ANXA7: variants seen among roughly 807,000 people sequenced by gnomAD.
The protein encoded by ANXA7 is annexin VII.
A neutral mutation model predicts 64.9 loss-of-function variants in ANXA7; 55 were observed. The observed-to-expected ratio is 0.85, with a 90% confidence interval of 0.68 to 1.06. The LOEUF (loss-of-function observed/expected upper bound fraction) is 1.06, where lower values mean the gene tolerates loss of function less well. Among genes scored for constraint, ANXA7 ranks in the 50% least tolerant of loss-of-function variants. The pLI, the probability that ANXA7 is intolerant of heterozygous loss-of-function variation, is 0.00. For synonymous variants in ANXA7, 200 were observed against 192.4 expected (o/e 1.04, Z -0.33); for missense variants, 548 against 582.1 (o/e 0.94, Z 0.60).
At chr10:73,378,460 G>A (rs75448360) in intron 12 of ANXA7, among the ~76,000 whole-genome samples, 45 of 148,836 alleles carry the variant, frequency 3.0e-4, no homozygotes, top group African/African-American at 1.1e-3. Context: ...AATATATAAA[G>A]TACAATTTTT....
intron 5 of ANXA7, among the ~76,000 whole-genome samples, chr10:73,392,218 A>C (rs2055496062): frequency 1.3e-5 from 2 of 152,210 alleles, no homozygotes; most frequent in Admixed American, 6.5e-5. Flanking sequence ...AGAGCCTACC[A>C]ACCAAAAAAA....
chr10:73,411,710 G>A (rs1278701513), intron 1 of ANXA7, among the ~76,000 whole-genome samples: 1 of 152,154 alleles, frequency 6.6e-6, no homozygotes, highest in Admixed American at 6.5e-5. Flanking sequence ...GGGATTACAG[G>A]CGTGAGCCAC....
chr10:73,399,682 G>A (rs562235381), intron 2 of ANXA7, among the ~76,000 whole-genome samples: 3 of 152,126 alleles, frequency 2.0e-5, no homozygotes, highest in African/African-American at 4.8e-5. Context: ...CTAGCTGGGC[G>A]TGGTGGCACG....
chr10:73,388,412 A>G lies in ANXA7; in HGVS notation c.438T>C (p.Pro146=). ...PGGQPTYPSQ[P]ATVTQVTQGT... ...CTTGAGTGACCTGAGTCACTGTGGCAGGCTGAAAATAAAAGGCATAAAATC... is the reference window on the plus strand; with the variant it reads ...CTTGAGTGACCTGAGTCACTGTGGCGGGCTGAAAATAAAAGGCATAAAATC... Residue 146 remains proline (P), a splice_region_variant and synonymous_variant, in exon 6 of 13, where the codon CCT becomes CCC. Coordinates refer to ENST00000372921, the MANE Select transcript of ANXA7 (RefSeq NM_001156.5). 1 of 1,611,620 alleles carries G rather than the reference A, an allele frequency of 6.2e-7. No individual in the cohort carries two copies.
chr10:73,412,098 A>G (rs12257159), intron 1 of ANXA7, among the ~76,000 whole-genome samples: 22,941 of 151,734 alleles, frequency 0.15, 2,811 homozygotes, highest in African/African-American at 0.32. Flanking sequence ...GTGCAGTGGC[A>G]CGATCTCAGC....
intron 1 of ANXA7, among the ~76,000 whole-genome samples, chr10:73,413,635 A>T: frequency 6.6e-6 from 1 of 152,254 alleles, no homozygotes; most frequent in East Asian, 1.9e-4. Context: ...ACCGGAAAGT[A>T]CAGCCACTAC....
intron 5 of ANXA7, 33 bp downstream of exon 5, chr10:73,396,486 C>T (rs2055577609): frequency 6.5e-7 from 1 of 1,531,216 alleles, no homozygotes; most frequent in African/African-American, 1.4e-5. Context: ...ATCTAGCTAC[C>T]TAGAGTGAGC....
intron 7 of ANXA7, among the ~76,000 whole-genome samples, chr10:73,385,846 T>G (rs531853012): frequency 5.9e-5 from 9 of 152,268 alleles, no homozygotes; most frequent in Non-Finnish European, 1.2e-4. Context: ...GACCAATCAA[T>G]GGACCACTAC....
Position 73,388,301 on chromosome 10 carries a change from GT to G in ANXA7, c.538+10del, listed in dbSNP as rs775909034. On this transcript the variant is annotated intron_variant, in intron 6 of 12. Transcript: ENST00000372921. ...AACTTATTAAAAAAGACAAAAATTT[GT>G]TTTCCTTACCAAAACCCTTCATTGC... 6 of 1,602,000 alleles carry G rather than the reference GT, an allele frequency of 3.7e-6. No individual in the cohort carries two copies. Among genetic ancestry groups the G allele is most frequent in the Non-Finnish European group, 5.1e-6 (6 of 1,169,296 alleles).
Position 73,379,915 on chromosome 10 carries a change from A to G in ANXA7, c.1129T>C (p.Phe377Leu). Residue 377 changes from phenylalanine (F) to leucine (L), a missense_variant, in exon 11 of 13, where the codon TTT (phenylalanine) becomes CTT (leucine). Coordinates refer to ENST00000372921, the MANE Select transcript of ANXA7 (RefSeq NM_001156.5). ...AAACCACTTTCTACATATCCGGAAA[A>G]CTCACGGCTCACACTGCTTAACAAG... is the stretch of plus-strand genomic sequence containing the variant. ...RDLLSSVSREFSGYVESGLKT... is the reference protein window; with the variant it reads ...RDLLSSVSRELSGYVESGLKT... 6.2e-7 allele frequency: 1 copy of G among 1,614,176 alleles called. No individual in the cohort carries two copies. Among genetic ancestry groups the G allele is most frequent in the Non-Finnish European group, 8.5e-7 (1 of 1,180,014 alleles).
intron 1 of ANXA7, among the ~76,000 whole-genome samples, chr10:73,407,577 A>T (rs1485824982): frequency 3.3e-5 from 5 of 152,224 alleles, no homozygotes; most frequent in Admixed American, 3.3e-4. Context: ...ATTTGTAAAT[A>T]TATGTTTTGG....
intron 5 of ANXA7, among the ~76,000 whole-genome samples, chr10:73,390,419 T>C (rs1014625989): frequency 6.6e-6 from 1 of 152,102 alleles, no homozygotes; most frequent in Non-Finnish European, 1.5e-5. Context: ...CCTCTACTAG[T>C]TTCCAAGCTA....
In ANXA7 at chr10:73,384,132, T is replaced by A. The variant is rs968472381; in HGVS notation, c.634-442A>T. 3.6e-3 allele frequency among the ~76,000 whole-genome samples: 551 copies of A among 151,188 alleles called. 2 individuals are homozygous for A. Among genetic ancestry groups the A allele is most frequent in the Non-Finnish European group, 6.1e-3 (413 of 67,700 alleles). On this transcript the variant is annotated intron_variant, in intron 7 of 12. Coordinates refer to ENST00000372921, the MANE Select transcript of ANXA7 (RefSeq NM_001156.5). Reference sequence around the variant, plus strand: ...CAAGACTCCGTCTCAAAAAAAAAAATAAATAAATAGAAATAAAAAAGAAGT... The same window carrying A: ...CAAGACTCCGTCTCAAAAAAAAAAAAAAATAAATAGAAATAAAAAAGAAGT...
intron 1 of ANXA7, among the ~76,000 whole-genome samples, chr10:73,408,622 A>G (rs1485832680): frequency 6.6e-6 from 1 of 152,208 alleles, no homozygotes; most frequent in African/African-American, 2.4e-5. Flanking sequence ...GATTATCTGT[A>G]TATAATAAAA....
chr10:73,387,844 A>ATAT, intron 6 of ANXA7, 61 bp from the exon 7 acceptor site: 2 of 957,410 alleles, frequency 2.1e-6, no homozygotes, highest in Non-Finnish European at 3.1e-6. Flanking sequence ...GCTTGAGGTC[A>ATAT]TCTTTTTTTT....
rs1172739653 is a variant in ANXA7 at position 73,378,913 on chromosome 10, C to T, written c.1276G>A (p.Glu426Lys). The T allele has an allele frequency of 6.2e-7, 1 of 1,611,244 alleles. No individual in the cohort carries two copies. The highest frequency in any genetic ancestry group is 8.5e-7 in the Non-Finnish European group (1 of 1,177,810). ...TLVRIVVTRS[E>K]IDLVQIKQMF... The stretch of plus-strand genomic sequence containing the variant: ...AAAAAGAGAGAGGCCTGCCTCACCT[C>T]ACTTCGAGTGACCACAATCCGGACC... Residue 426 changes from glutamate to lysine, a missense_variant and splice_region_variant, in exon 12 of 13, where the codon GAG becomes AAG. Coordinates refer to ENST00000372921, the MANE Select transcript of ANXA7 (RefSeq NM_001156.5).
At position 73,383,585 on chromosome 10, in the gene ANXA7, C is replaced by T. The variant is rs1335935139; in HGVS notation, c.739G>A (p.Ala247Thr). The T allele has an allele frequency of 1.9e-6, 3 of 1,610,240 alleles. No homozygotes were observed. The highest frequency in any genetic ancestry group is 2.5e-6 in the Non-Finnish European group (3 of 1,176,676). The change falls in exon 8 of 13, where the codon GCA (alanine) becomes ACA (threonine). Residue 247 changes from alanine (A) to threonine (T), a missense_variant. Physicochemically the swap from Ala to Thr is moderately conservative, Grantham distance 58 (BLOSUM62 0). Transcript: ENST00000372921. Reference protein sequence around the residue: ...TYYDAWSLRKAMQGAGTQERV... With the variant: ...TYYDAWSLRKTMQGAGTQERV... ...ATGACATATAGTAGTACCTGCATTG[C>T]TTTCCGTAAGCTCCAGGCATCGTAA...
At chr10:73,405,960 C>CTT (rs199538795) in intron 1 of ANXA7, among the ~76,000 whole-genome samples, 1 of 144,480 alleles carries the variant, frequency 6.9e-6, no homozygotes. Context: ...TTTTTCTCTT[C>CTT]TTTTTTTTTT....
intron 7 of ANXA7, among the ~76,000 whole-genome samples, chr10:73,386,265 C>T (rs2055368276): frequency 6.8e-6 from 1 of 147,840 alleles, no homozygotes; most frequent in Non-Finnish European, 1.5e-5. Context: ...TTTCCCATTA[C>T]ATCTGAGGAA....
Sources: gnomAD v4.1 joint callset for allele counts (sites outside exome capture counted in the v4.1 genomes callset) on GRCh38, gnomAD v4.1.1 for gene constraint, MANE v1.5 for transcripts, NCBI Gene and HGNC (gene_info 2026-07-23, HGNC 2026-07-21) for gene names.